ASAH2: variants seen among roughly 807,000 people sequenced by gnomAD.
The protein encoded by ASAH2 is neutral ceramidase.
ASAH2 carries 58 observed loss-of-function variants against 82.9 expected under a neutral mutation model. That is an observed-to-expected ratio of 0.70 (90% CI 0.57 to 0.87). ASAH2 has a LOEUF of 0.87. ASAH2 is among the 40% of genes least tolerant of loss of function. The pLI is 0.00. For missense variants in ASAH2, 779 were observed against 834.0 expected, an observed-to-expected ratio of 0.93 and a Z score of 0.81; for synonymous variants, 276 against 289.7, an observed-to-expected ratio of 0.95 and a Z score of 0.48.
chr10:50,240,580 T>C (rs1377246848), intron 4 of ASAH2: 2 of 702,242 alleles, frequency 2.8e-6, no homozygotes, highest in East Asian at 2.7e-5. Context: ...AGCTGGCATC[T>C]CAAGGCCCTC....
At chr10:50,208,709 T>C (rs933216089) in intron 12 of ASAH2, among the ~76,000 whole-genome samples, 1 of 152,158 alleles carries the variant, frequency 6.6e-6, no homozygotes, top group Non-Finnish European at 1.5e-5. Flanking sequence ...TCAGATTACA[T>C]AATATTGTTA....
At chr10:50,240,590 C>T (rs918132277) in intron 4 of ASAH2, 6 of 702,048 alleles carry the variant, frequency 8.5e-6, no homozygotes, top group East Asian at 5.4e-5. Flanking sequence ...TCAAGGCCCT[C>T]TGCAATTATG....
chr10:50,242,085 T>C (rs983239434), intron 4 of ASAH2, among the ~76,000 whole-genome samples: 1 of 152,154 alleles, frequency 6.6e-6, no homozygotes, highest in Non-Finnish European at 1.5e-5. Flanking sequence ...ATACCTGTGT[T>C]CAGAATCCAG....
In ASAH2 at chr10:50,232,858, G is replaced by A. The variant is rs564641404; in HGVS notation, c.893+326C>T. On this transcript the variant is annotated intron_variant, in intron 7 of 20. Coordinates refer to ENST00000682911, the MANE Select transcript of ASAH2 (RefSeq NM_019893.4). ...GTATACCATCATGGAAGTTCCACAT[G>A]TGAGATCTTGATAACATAATAAGTG... Among the ~76,000 whole-genome samples the A allele has an allele frequency of 1.8e-3, 276 of 152,208 alleles. 1 individual carries two copies. The highest frequency in any genetic ancestry group is 6.5e-3 in the African/African-American group (269 of 41,534).
intron 4 of ASAH2, among the ~76,000 whole-genome samples, chr10:50,236,575 T>C (rs1231627510): frequency 2.0e-5 from 3 of 152,072 alleles, no homozygotes; most frequent in African/African-American, 4.8e-5. Context: ...CACTGTATGT[T>C]TGAGGATATT....
intron 12 of ASAH2, among the ~76,000 whole-genome samples, chr10:50,208,068 T>C (rs1226445751): frequency 6.6e-6 from 1 of 151,964 alleles, no homozygotes; most frequent in African/African-American, 2.4e-5. Context: ...TACATGATAA[T>C]CTGAGCAGAT....
intron 3 of ASAH2, among the ~76,000 whole-genome samples, chr10:50,244,395 C>T (rs1380716384): frequency 6.6e-6 from 1 of 152,210 alleles, no homozygotes; most frequent in Non-Finnish European, 1.5e-5. Flanking sequence ...AGAATGCCCC[C>T]TCTACTGTTT....
At chr10:50,229,931 C>T (rs1027630100) in intron 7 of ASAH2, among the ~76,000 whole-genome samples, 9 of 152,168 alleles carry the variant, frequency 5.9e-5, no homozygotes, top group Non-Finnish European at 1.2e-4. Context: ...ATCTGTATGC[C>T]TTCTGTCTCC....
intron 2 of ASAH2, among the ~76,000 whole-genome samples, chr10:50,246,888 G>A (rs1356419252): frequency 1.3e-5 from 2 of 152,098 alleles, no homozygotes; most frequent in East Asian, 1.9e-4. Flanking sequence ...CATAGCCAAG[G>A]GTAAGTTATT....
Position 50,203,675 on chromosome 10 carries a change from T to C in ASAH2, c.1630A>G (p.Met544Val), listed in dbSNP as rs1845221260. Residue 544 changes from methionine to valine, a missense_variant, in exon 15 of 21, where the codon ATG (methionine) becomes GTG (valine). By Grantham distance (21) the Met-to-Val change is conservative. Transcript: ENST00000682911. ...ITAIPGEFTT[M>V]SGRRLREAVQ... ...GCCTCTCGAAGTCTTCGTCCAGACA[T>C]GGTCCTGAGTCAAGAAAAAAATTAT... 1.9e-6 allele frequency: 3 copies of C among 1,612,402 alleles called. No homozygotes were observed. The highest frequency in any genetic ancestry group is 2.7e-5 in the African/African-American group (2 of 74,846).
chr10:50,251,228 G>C (rs974054387), intron 1 of ASAH2, among the ~76,000 whole-genome samples, 167 bp downstream of exon 1: 2 of 152,106 alleles, frequency 1.3e-5, no homozygotes, highest in African/African-American at 4.8e-5. Context: ...CACATAACGG[G>C]GTCCCTGTTT....
chr10:50,216,815 A>G (rs1845613768), intron 8 of ASAH2, among the ~76,000 whole-genome samples: 1 of 152,188 alleles, frequency 6.6e-6, no homozygotes, highest in Non-Finnish European at 1.5e-5. Context: ...TTTGATACTA[A>G]AGAGATAATT....
intron 7 of ASAH2, among the ~76,000 whole-genome samples, chr10:50,229,290 A>G (rs1319310484): frequency 6.6e-6 from 1 of 152,176 alleles, no homozygotes; most frequent in Non-Finnish European, 1.5e-5. Context: ...TTCACAATTC[A>G]GAACATCCAC....
intron 9 of ASAH2, 84 bp from the exon 10 acceptor site, chr10:50,213,142 A>G: frequency 1.6e-6 from 2 of 1,261,330 alleles, no homozygotes; most frequent in Non-Finnish European, 2.3e-6. Context: ...AATCTAAGCA[A>G]ATAGATTTTT....
At chr10:50,228,986 C>A (rs986294059) in intron 7 of ASAH2, among the ~76,000 whole-genome samples, 1 of 152,164 alleles carries the variant, frequency 6.6e-6, no homozygotes, top group African/African-American at 2.4e-5. Flanking sequence ...AATAAGTCGG[C>A]CTCCTCACCT....
At chr10:50,221,779 G>T (rs1166934794) in intron 7 of ASAH2, among the ~76,000 whole-genome samples, 2 of 152,054 alleles carry the variant, frequency 1.3e-5, no homozygotes, top group African/African-American at 2.4e-5. Context: ...GTGGAATCCT[G>T]GTTCTGTCCC....
At chr10:50,204,767 G>T (rs1341331141) in intron 14 of ASAH2, 94 bp downstream of exon 14, 4 of 992,622 alleles carry the variant, frequency 4.0e-6, no homozygotes, top group Non-Finnish European at 6.3e-6. Flanking sequence ...ATACCAAGGG[G>T]TCAACACAGA....
chr10:50,238,743 G>A (rs1295335426), intron 4 of ASAH2, among the ~76,000 whole-genome samples: 1 of 152,046 alleles, frequency 6.6e-6, no homozygotes, highest in Non-Finnish European at 1.5e-5. Flanking sequence ...TGACATTAGG[G>A]CTTTAGAATT....
chr10:50,247,323 A>AT lies in ASAH2; in HGVS notation c.127+1160dup, dbSNP rs34724803. ...CAGGCGTGCACCACCACAAACAGCT[A>AT]TTTTTTTTTTTTTTAATTTTTAGCA... On this transcript the variant is annotated intron_variant, in intron 2 of 20. Transcript: ENST00000682911. Among the ~76,000 whole-genome samples the AT allele has an allele frequency of 1.2e-3, 174 of 148,118 alleles. 4 individuals carry two copies. The South Asian group carries it at 0.031, about 27-fold the overall frequency.
Sources: gnomAD v4.1 joint callset for allele counts (sites outside exome capture counted in the v4.1 genomes callset) on GRCh38, gnomAD v4.1.1 for gene constraint, MANE v1.5 for transcripts, NCBI Gene and HGNC (gene_info 2026-07-23, HGNC 2026-07-21) for gene names.